Variants in ZCCHC8 observed in about 807,000 individuals in gnomAD.
ZCCHC8 encodes zinc finger CCHC-type containing 8.
Under a neutral mutation model 70.6 loss-of-function variants are expected in ZCCHC8, and 27 were observed. That is an observed-to-expected ratio of 0.38 (90% confidence interval 0.28 to 0.53). The LOEUF (loss-of-function observed/expected upper bound fraction) is 0.53, where lower values mean the gene tolerates loss of function less well. Ranked by LOEUF, ZCCHC8 falls within the 20% of genes least tolerant of loss-of-function variation. The pLI, the probability that ZCCHC8 is intolerant of heterozygous loss-of-function variation, is 0.81. For missense variants in ZCCHC8, 737 were observed against 876.9 expected (o/e 0.84, Z 2.01); for synonymous variants, 293 against 317.4 (o/e 0.92, Z 0.82).
chr12:122,499,248 T>G, intron 1 of ZCCHC8: 1 of 229,568 alleles, frequency 4.4e-6, no homozygotes, highest in Non-Finnish European at 8.6e-6. Flanking sequence ...TCTATGGATG[T>G]CCACTGTAGA....
intron 10 of ZCCHC8, 86 bp from the exon 11 acceptor site, chr12:122,480,397 A>G: frequency 8.5e-7 from 1 of 1,174,142 alleles, no homozygotes; most frequent in Non-Finnish European, 1.1e-6. Context: ...GAAAGTGCTT[A>G]TAATCATGGC....
chr12:122,481,696 T>C (rs1402794692), intron 9 of ZCCHC8, 32 bp from the exon 10 acceptor site: 4 of 1,602,158 alleles, frequency 2.5e-6, no homozygotes, highest in Non-Finnish European at 3.4e-6. Context: ...AGAAAAATAC[T>C]GAATTCTTAT....
chr12:122,491,815 C>T lies in ZCCHC8; in HGVS notation c.317+900G>A, dbSNP rs140476086. 3.2e-4 allele frequency among the ~76,000 whole-genome samples: 46 copies of T among 142,846 alleles called. No individual in the cohort carries two copies. The South Asian group carries it at 5.9e-3, about 18-fold the overall frequency. 93.7% of individuals were successfully genotyped at this position (142,846 alleles called of 152,430 possible). A position where few individuals can be genotyped will look rare whatever the true frequency, so the allele number is the denominator to read the frequency against. On this transcript the variant is annotated intron_variant, in intron 3 of 13. Coordinates refer to ENST00000633063, the MANE Select transcript of ZCCHC8 (RefSeq NM_017612.5). ...TGCACTCCAGCCTGAGCAACAAGAC[C>T]GGAACTCCATCTCAAAAAAAAAAAA... is the stretch of plus-strand genomic sequence containing the variant.
intron 2 of ZCCHC8, among the ~76,000 whole-genome samples, chr12:122,498,408 C>T (rs1295949669): frequency 1.3e-5 from 2 of 151,962 alleles, no homozygotes; most frequent in Admixed American, 6.6e-5. Flanking sequence ...GGATTACAGG[C>T]GTGAGCCACT....
At position 122,481,671 on chromosome 12, in the gene ZCCHC8, A is replaced by T; in HGVS notation, c.876-7T>A. On this transcript the variant is annotated splice_region_variant and splice_polypyrimidine_tract_variant and intron_variant, in intron 9 of 13. Coordinates refer to ENST00000633063, the MANE Select transcript of ZCCHC8 (RefSeq NM_017612.5). ...TGCATCTTGAAGTTCCTCACTAAGT[A>T]AAAATAAAGGAGGAAGAAAAATACT... The T allele has an allele frequency of 6.2e-7, 1 of 1,608,928 alleles. No individual in the cohort carries two copies. Among genetic ancestry groups the T allele is most frequent in the South Asian group, 1.1e-5 (1 of 89,792 alleles).
chr12:122,494,271 A>G (rs1203830700), intron 2 of ZCCHC8, among the ~76,000 whole-genome samples: 1 of 152,044 alleles, frequency 6.6e-6, no homozygotes, highest in Non-Finnish European at 1.5e-5. Context: ...ATAAAATAAG[A>G]GGCTGGGCGC....
Position 122,474,007 on chromosome 12 carries a change from G to T in ZCCHC8, c.1614C>A (p.Asn538Lys), listed in dbSNP as rs774874028. 1 of 1,566,894 alleles carries T rather than the reference G, an allele frequency of 6.4e-7. No individual in the cohort carries two copies. The highest frequency in any genetic ancestry group is 1.2e-5 in the South Asian group (1 of 82,730). The change falls in exon 14 of 14, where the codon AAC becomes AAA. Residue 538 changes from asparagine (N) to lysine (K), a missense_variant. Coordinates refer to ENST00000633063, the MANE Select transcript of ZCCHC8 (RefSeq NM_017612.5). ...TGTCCACAGGAACGTCGGAGTCGCT[G>T]TTTACGCTCTCGGCCTGCTCAAGAG... ...WAALEQAESV[N>K]SDSDVPVDTP... is the part of the protein sequence containing the mutation.
At chr12:122,477,013 C>G (rs1957432128) in intron 13 of ZCCHC8, among the ~76,000 whole-genome samples, 1 of 151,404 alleles carries the variant, frequency 6.6e-6, no homozygotes, top group South Asian at 2.1e-4. Flanking sequence ...CAGTGAAACT[C>G]TGTCTCGAAA....
intron 1 of ZCCHC8, chr12:122,499,090 G>C: frequency 1.8e-6 from 1 of 553,668 alleles, no homozygotes; most frequent in East Asian, 3.1e-5. Flanking sequence ...TATATTCTAA[G>C]ACACGATCCT....
At chr12:122,477,553 G>A (rs1957443673) in intron 13 of ZCCHC8, among the ~76,000 whole-genome samples, 1 of 149,508 alleles carries the variant, frequency 6.7e-6, no homozygotes, top group South Asian at 2.1e-4. Context: ...GGGAGGCTGA[G>A]GTGGGTGGAT....
intron 1 of ZCCHC8, chr12:122,499,269 CTTTTT>C: frequency 6.3e-5 from 10 of 159,596 alleles, no homozygotes; most frequent in South Asian, 2.6e-4. Flanking sequence ...ATCCTTTCAA[CTTTTT>C]TTTTTTTTTT....
At chr12:122,482,157 T>C (rs1957548787) in intron 8 of ZCCHC8, 70 bp from the exon 9 acceptor site, 2 of 1,459,076 alleles carry the variant, frequency 1.4e-6, no homozygotes, top group East Asian at 2.4e-5. Flanking sequence ...TAAATAAAAA[T>C]ACTTTTTTTT....
chr12:122,473,836 A>G lies in ZCCHC8; in HGVS notation c.1785T>C (p.His595=). The change falls in exon 14 of 14, where the codon CAT becomes CAC. Residue 595 remains histidine (H), a synonymous_variant. Coordinates refer to ENST00000633063, the MANE Select transcript of ZCCHC8 (RefSeq NM_017612.5). The part of the protein sequence containing the change: ...EIFTKKSEAG[H]ASSPDSEVTS... The stretch of plus-strand genomic sequence containing the variant: ...TCACCTCAGAGTCTGGACTGGAGGC[A>G]TGTCCAGCTTCTGATTTCTTTGTAA... 6.2e-7 allele frequency: 1 copy of G among 1,613,888 alleles called. No individual in the cohort carries two copies. Among genetic ancestry groups the G allele is most frequent in the African/African-American group, 1.3e-5 (1 of 75,026 alleles).
intron 7 of ZCCHC8, chr12:122,482,991 G>A (rs1427319130): frequency 3.3e-5 from 17 of 516,936 alleles, no homozygotes; most frequent in South Asian, 2.0e-4. Flanking sequence ...TCATATTTCC[G>A]TTAGGTAACA....
chr12:122,477,618 A>G (rs1351395355), intron 13 of ZCCHC8, among the ~76,000 whole-genome samples: 1 of 105,372 alleles, frequency 9.5e-6, no homozygotes, highest in Non-Finnish European at 2.3e-5. Flanking sequence ...CCCTGTCTCT[A>G]CTAAAAAAAA....
intron 10 of ZCCHC8, 145 bp downstream of exon 10, chr12:122,481,377 A>G: frequency 8.9e-7 from 1 of 1,121,478 alleles, no homozygotes; most frequent in Non-Finnish European, 1.2e-6. Context: ...TCCTTGTAAA[A>G]TTTACCAAGG....
Position 122,477,860 on chromosome 12 carries a change from G to A in ZCCHC8, c.1326C>T (p.Ala442=), listed in dbSNP as rs371128314. ...ACCTACCTGAATCGAGCTCCATGTC[G>A]GCGGGAGATCCCGCTGAGTTGCTTT... ...KNESNSAGSP[A]DMELDSDMEV... is the part of the protein sequence containing the mutation. Residue 442 remains alanine, a synonymous_variant, in exon 13 of 14, where the codon GCC becomes GCT. Coordinates refer to ENST00000633063, the MANE Select transcript of ZCCHC8 (RefSeq NM_017612.5). 219 of 1,612,560 alleles carry A rather than the reference G, an allele frequency of 1.4e-4. No individual in the cohort carries two copies. Among genetic ancestry groups the A allele is most frequent in the Admixed American group, 2.7e-4 (16 of 59,950 alleles).
rs1368771667 is a variant in ZCCHC8, at chr12:122,478,231, T to C, written c.1202A>G (p.Asn401Ser). 6 of 1,601,798 alleles carry C rather than the reference T, an allele frequency of 3.7e-6. No individual in the cohort carries two copies. Among genetic ancestry groups the C allele is most frequent in the South Asian group, 2.3e-5 (2 of 88,546 alleles). ...CGCTTGGAAGTTAGAAGTAAGGTAA[T>C]TGGCAAACACATCCTTCTGCTGACA... Reference protein sequence around the residue: ...QACQQKDVFANYLTSNFQAPG... With the variant: ...QACQQKDVFASYLTSNFQAPG... The change falls in exon 12 of 14, where the codon AAT becomes AGT. Residue 401 changes from asparagine to serine, a missense_variant. Asn to Ser is a conservative substitution (Grantham distance 46, BLOSUM62 1). Coordinates refer to ENST00000633063, the MANE Select transcript of ZCCHC8 (RefSeq NM_017612.5).
Position 122,481,569 on chromosome 12 carries a change from T to C in ZCCHC8, c.971A>G (p.Lys324Arg), listed in dbSNP as rs1422882978. Residue 324 changes from lysine to arginine, a missense_variant, in exon 10 of 14, where the codon AAA becomes AGA. Coordinates refer to ENST00000633063, the MANE Select transcript of ZCCHC8 (RefSeq NM_017612.5). ...CCCCGAATTCTCCAATTCAGCCTCT[T>C]TGAGCCACCCTGGTGGGTACCCTAG... Reference protein sequence around the residue: ...RQLGYPPGWLKEAELENSGLA... With the variant: ...RQLGYPPGWLREAELENSGLA... 1.2e-6 allele frequency: 2 copies of C among 1,613,970 alleles called. No homozygotes were observed. Among genetic ancestry groups the C allele is most frequent in the Non-Finnish European group, 1.7e-6 (2 of 1,179,876 alleles).
Sources: allele counts gnomAD v4.1 joint callset (sites outside exome capture counted in the v4.1 genomes callset), GRCh38; gene constraint gnomAD v4.1.1; transcripts MANE v1.5; gene names NCBI Gene and HGNC (gene_info 2026-07-23, HGNC 2026-07-21).